ZNF475: variants seen among roughly 807,000 people sequenced by gnomAD.
ZNF475 encodes the protein zinc finger protein 475.
At chr5:122,177,875 C>T in the ZNF475 span, among the ~76,000 whole-genome samples, 1 of 152,032 alleles carries the variant, frequency 6.6e-6, no homozygotes, top group Admixed American at 6.6e-5. Flanking sequence ...AGGTATTTCT[C>T]GTAATGCTAT....
chr5:122,166,642 T>C, the ZNF475 span, among the ~76,000 whole-genome samples: 79 of 152,218 alleles, frequency 5.2e-4, no homozygotes, highest in Non-Finnish European at 2.9e-5. Flanking sequence ...TCCAGCTTCA[T>C]CCATGTCCCT....
the ZNF475 span, among the ~76,000 whole-genome samples, chr5:122,178,329 C>G: frequency 1.3e-5 from 2 of 152,184 alleles, no homozygotes; most frequent in Non-Finnish European, 2.9e-5. Context: ...CACTGTCTTC[C>G]AGAATGGTTG....
At chr5:122,168,556 C>A in the ZNF475 span, among the ~76,000 whole-genome samples, 51 of 152,152 alleles carry the variant, frequency 3.4e-4, no homozygotes, top group Non-Finnish European at 4.7e-4. Context: ...ACTAAAAATA[C>A]AAAAAAATTA....
chr5:122,169,149 C>T, the ZNF475 span, among the ~76,000 whole-genome samples: 1 of 152,206 alleles, frequency 6.6e-6, no homozygotes, highest in African/African-American at 2.4e-5. Context: ...TCACATACTA[C>T]AGTACTATTA....
At chr5:122,182,598 CTGAT>C in the ZNF475 span, 12 of 1,535,564 alleles carry the variant, frequency 7.8e-6, no homozygotes, top group Non-Finnish European at 1.0e-5. Flanking sequence ...GCCAGACAGA[CTGAT>C]TGTTCACCAA....
the ZNF475 span, among the ~76,000 whole-genome samples, chr5:122,181,303 T>C: frequency 2.6e-5 from 4 of 152,264 alleles, no homozygotes; most frequent in East Asian, 3.9e-4. Flanking sequence ...TGCAAAAACA[T>C]TTAGAAATGT....
At chr5:122,175,657 A>G in the ZNF475 span, among the ~76,000 whole-genome samples, 401 of 152,238 alleles carry the variant, frequency 2.6e-3, 4 homozygotes, top group African/African-American at 9.0e-3. Flanking sequence ...GAGCACCACC[A>G]ATTCCTCACT....
the ZNF475 span, chr5:122,179,417 T>G: frequency 5.7e-4 from 225 of 395,550 alleles, 1 homozygote; most frequent in African/African-American, 4.3e-3. Context: ...TCTTATTTCC[T>G]TGGGTAGTGG....
At chr5:122,166,508 A>G in the ZNF475 span, among the ~76,000 whole-genome samples, 1 of 152,060 alleles carries the variant, frequency 6.6e-6, no homozygotes. Flanking sequence ...CAATCCCACG[A>G]CAGGCCCCAG....
the ZNF475 span, among the ~76,000 whole-genome samples, chr5:122,163,735 G>A: frequency 6.6e-6 from 1 of 152,204 alleles, no homozygotes; most frequent in South Asian, 2.1e-4. Context: ...CCAGCTGGGA[G>A]CAGGGAAAGC....
chr5:122,171,798 G>T, the ZNF475 span, among the ~76,000 whole-genome samples: 1 of 151,638 alleles, frequency 6.6e-6, no homozygotes, highest in African/African-American at 2.4e-5. Context: ...GAGTGCAGTG[G>T]CACGATCACA....
the ZNF475 span, among the ~76,000 whole-genome samples, chr5:122,174,641 C>G: frequency 6.6e-6 from 1 of 152,154 alleles, no homozygotes. Flanking sequence ...CAGTATGTGT[C>G]TTCTGACCTC....
chr5:122,161,532 G>A, the ZNF475 span, among the ~76,000 whole-genome samples: 5 of 152,146 alleles, frequency 3.3e-5, no homozygotes, highest in Admixed American at 2.0e-4. Flanking sequence ...CTTTTTATAG[G>A]AAAATTCCTT....
At chr5:122,164,480 G>T in the ZNF475 span, among the ~76,000 whole-genome samples, 1 of 152,150 alleles carries the variant, frequency 6.6e-6, no homozygotes, top group Non-Finnish European at 1.5e-5. Context: ...AAAGACCTAT[G>T]CCTGGGCCAG....
At chr5:122,163,827 T>G in the ZNF475 span, among the ~76,000 whole-genome samples, 64 of 152,224 alleles carry the variant, frequency 4.2e-4, no homozygotes, top group Non-Finnish European at 8.4e-4. Flanking sequence ...GTCTCATGCC[T>G]TAAAGTACAG....
chr5:122,181,677 G>A, the ZNF475 span, among the ~76,000 whole-genome samples: 1 of 152,202 alleles, frequency 6.6e-6, no homozygotes, highest in African/African-American at 2.4e-5. Flanking sequence ...ATGTTTTTGA[G>A]TGCCTTGTTA....
the ZNF475 span, chr5:122,179,722 C>A: frequency 2.0e-6 from 3 of 1,511,174 alleles, no homozygotes; most frequent in African/African-American, 1.4e-5. Context: ...GAAGTCAGGA[C>A]CATTACTGGT....
chr5:122,171,054 G>C, the ZNF475 span, among the ~76,000 whole-genome samples: 1 of 152,106 alleles, frequency 6.6e-6, no homozygotes, highest in South Asian at 2.1e-4. Flanking sequence ...GTAATTTTAT[G>C]CTATGCAAAG....
chr5:122,169,762 G>A, the ZNF475 span, among the ~76,000 whole-genome samples: 2 of 152,210 alleles, frequency 1.3e-5, no homozygotes, highest in Non-Finnish European at 2.9e-5. Flanking sequence ...AGGATGGCCT[G>A]CTTCATCCAC....
Sources: gnomAD v4.1 joint callset for allele counts (sites outside exome capture counted in the v4.1 genomes callset) on GRCh38, gnomAD v4.1.1 for gene constraint, MANE v1.5 for transcripts, NCBI Gene and HGNC (gene_info 2026-07-23, HGNC 2026-07-21) for gene names.